The following PPRC1 variants were observed in gnomAD, a reference collection of about 807,000 sequenced individuals.
PPRC1 encodes the protein peroxisome proliferator-activated receptor gamma coactivator-related protein 1.
In PPRC1, 23 loss-of-function variants were observed where a neutral mutation model predicts 132.5. The observed-to-expected ratio is 0.17, with a 90% CI of 0.12 to 0.25. The LOEUF is 0.25. Among genes scored for constraint, PPRC1 ranks in the 10% least tolerant of loss-of-function variants. PPRC1 has a pLI of 1.00. For synonymous variants in PPRC1, 872 were observed against 833.5 expected, an observed-to-expected ratio of 1.05 and a Z score of -0.80; for missense variants, 2,006 against 2,089.1, an observed-to-expected ratio of 0.96 and a Z score of 0.78.
At chr10:102,121,503 C>T in the PPRC1 span, among the ~76,000 whole-genome samples, 1 of 152,110 alleles carries the variant, frequency 6.6e-6, no homozygotes, top group Non-Finnish European at 1.5e-5. Flanking sequence ...TTCAGTCACA[C>T]TTCAAGGACT....
At chr10:102,132,850 C>T, upstream of PPRC1, 2 of 532,472 alleles carry the variant, frequency 3.8e-6, no homozygotes, top group Non-Finnish European at 5.7e-6. Flanking sequence ...AGGATGCCTG[C>T]AGCTAGTGCC....
In PPRC1 at chr10:102,141,561, C is replaced by G. The variant is rs944596296; in HGVS notation, c.3053C>G (p.Ser1018Cys). Reference sequence around the variant, plus strand: ...GCTGTTCCCCAACCTAAAATGGAGTCTAGGGGCACTCCAGCTGGCCCTCCT... The same window carrying G: ...GCTGTTCCCCAACCTAAAATGGAGTGTAGGGGCACTCCAGCTGGCCCTCCT... ...GRAVPQPKME[S>C]RGTPAGPPEN... Residue 1018 changes from serine to cysteine, a missense_variant, in exon 5 of 14, where the codon TCT becomes TGT. This residue lies in a region of PPRC1 where 1,914 missense variants were observed against 1,917.2 expected (regional missense o/e 1.00). Transcript: ENST00000278070. The G allele has an allele frequency of 2.5e-6, 4 of 1,614,078 alleles. No homozygotes were observed. Among genetic ancestry groups the G allele is most frequent in the Non-Finnish European group, 2.5e-6 (3 of 1,179,980 alleles).
chr10:102,148,825 A>G lies in PPRC1; in HGVS notation c.4626A>G (p.Arg1542=), dbSNP rs918891861. ...VLQKERAIEE[R]RVVFIGKIPG... ...TTCATTTCCAAACATAGGAAGAAAGAAGGGTGGTCTTCATTGGAAAGATAC... is the reference window on the plus strand; with the variant it reads ...TTCATTTCCAAACATAGGAAGAAAGGAGGGTGGTCTTCATTGGAAAGATAC... The change falls in exon 12 of 14, where the codon AGA becomes AGG. Residue 1542 remains arginine, a synonymous_variant. Coordinates refer to ENST00000278070, the MANE Select transcript of PPRC1 (RefSeq NM_015062.5). The surrounding 1 kb of genome is among the most constrained non-coding windows in gnomAD (Gnocchi z 4.2). The G allele has an allele frequency of 1.2e-6, 2 of 1,613,980 alleles. No homozygotes were observed. Among genetic ancestry groups the G allele is most frequent in the African/African-American group, 1.3e-5 (1 of 74,900 alleles).
At chr10:102,127,812 A>G in the PPRC1 span, among the ~76,000 whole-genome samples, 2 of 152,110 alleles carry the variant, frequency 1.3e-5, no homozygotes, top group East Asian at 1.9e-4. Context: ...TCGGCCTCCC[A>G]AAGTGCTGGG....
At chr10:102,121,823 C>T in the PPRC1 span, among the ~76,000 whole-genome samples, 1 of 152,130 alleles carries the variant, frequency 6.6e-6, no homozygotes, top group Non-Finnish European at 1.5e-5. Context: ...GTTGAGAAGG[C>T]TGTTTGGTTC....
the PPRC1 span, among the ~76,000 whole-genome samples, chr10:102,124,588 G>A: frequency 3.4e-3 from 518 of 150,854 alleles, 8 homozygotes; most frequent in African/African-American, 0.012. Flanking sequence ...TGATTCACCC[G>A]CCTCGGCCTC....
chr10:102,126,404 G>C, the PPRC1 span, among the ~76,000 whole-genome samples: 1 of 150,954 alleles, frequency 6.6e-6, no homozygotes. Context: ...TCTTATGGAC[G>C]GCCAAACCTC....
Position 102,133,261 on chromosome 10 carries a change from G to C in PPRC1, c.153+40G>C, listed in dbSNP as rs534331919. On this transcript the variant is annotated intron_variant, in intron 1 of 13. Coordinates refer to ENST00000278070, the MANE Select transcript of PPRC1 (RefSeq NM_015062.5). ...GGCGGCCCGCGACAGGCAGCAAAGC[G>C]GTGTGTGCCGGGCGGTGACACGTGG... 47 of 1,252,402 alleles carry C rather than the reference G, an allele frequency of 3.8e-5. No homozygotes were observed. In the East Asian group the frequency reaches 6.6e-4, roughly 18 times the overall value. The allele number at this position is 1,252,402 out of a possible 1,614,324, so 77.6% of individuals were successfully genotyped here.
rs1330375981 is a variant in PPRC1 at position 102,133,126 on chromosome 10, G to A, written c.58G>A (p.Gly20Ser). ...GVAPPPSGGPGPDPGGGARGS... is the reference protein window; with the variant it reads ...GVAPPPSGGPSPDPGGGARGS... The stretch of plus-strand genomic sequence containing the variant: ...CGCGCCGCCCCCGAGTGGGGGCCCC[G>A]GTCCGGACCCTGGCGGGGGAGCCCG... The change falls in exon 1 of 14, where the codon GGT (glycine) becomes AGT (serine). Residue 20 changes from glycine (G) to serine (S), a missense_variant. Transcript: ENST00000278070. 8 of 1,248,960 alleles carry A rather than the reference G, an allele frequency of 6.4e-6. No individual in the cohort carries two copies. The highest frequency in any genetic ancestry group is 8.1e-6 in the Non-Finnish European group (8 of 990,260). The allele number at this position is 1,248,960 out of a possible 1,614,324, so 77.4% of individuals were successfully genotyped here. A position where few individuals can be genotyped will look rare whatever the true frequency, so the allele number is the denominator to read the frequency against.
chr10:102,125,523 G>C, the PPRC1 span, among the ~76,000 whole-genome samples: 1 of 152,158 alleles, frequency 6.6e-6, no homozygotes, highest in African/African-American at 2.4e-5. Context: ...CTCCCAAAGT[G>C]CTGGGATTAC....
At chr10:102,120,805 C>T in the PPRC1 span, among the ~76,000 whole-genome samples, 1 of 152,104 alleles carries the variant, frequency 6.6e-6, no homozygotes, top group Non-Finnish European at 1.5e-5. Flanking sequence ...GCGGGAGCCG[C>T]GGCTGGGGGA....
Position 102,141,234 on chromosome 10 carries a change from T to C in PPRC1, c.2726T>C (p.Val909Ala), listed in dbSNP as rs143292683. ...PPSLPLSMGPVLPDPFTHYAP... is the reference protein window; with the variant it reads ...PPSLPLSMGPALPDPFTHYAP... ...AGTCTTCCATTGTCTATGGGGCCAGTACTACCTGATCCGTTTACTCACTAT... is the reference window on the plus strand; with the variant it reads ...AGTCTTCCATTGTCTATGGGGCCAGCACTACCTGATCCGTTTACTCACTAT... Residue 909 changes from valine to alanine, a missense_variant, in exon 5 of 14, where the codon GTA becomes GCA. Coordinates refer to ENST00000278070, the MANE Select transcript of PPRC1 (RefSeq NM_015062.5). 2.0e-3 allele frequency: 3,293 copies of C among 1,613,878 alleles called. 25 individuals carry two copies. The highest frequency in any genetic ancestry group is 0.019 in the Middle Eastern group (116 of 6,062).
chr10:102,145,646 C>T (rs983206457), intron 8 of PPRC1, among the ~76,000 whole-genome samples: 2 of 150,966 alleles, frequency 1.3e-5, no homozygotes, highest in South Asian at 2.1e-4. Flanking sequence ...AGGTGGATCA[C>T]GAGGTCAGGA....
intron 6 of PPRC1, 30 bp downstream of exon 6, chr10:102,143,128 C>G (rs1354998047): frequency 7.5e-6 from 12 of 1,600,000 alleles, no homozygotes; most frequent in Non-Finnish European, 1.0e-5. Context: ...TTTGCTCCAA[C>G]TCTTTTTTTG....
chr10:102,133,177 C>G lies in PPRC1; in HGVS notation c.109C>G (p.Gln37Glu). The change falls in exon 1 of 14, where the codon CAA becomes GAA. Residue 37 changes from glutamine to glutamate, a missense_variant. This residue lies in a region of PPRC1 where 1,914 missense variants were observed against 1,917.2 expected (regional missense o/e 1.00). Transcript: ENST00000278070. The stretch of plus-strand genomic sequence containing the variant: ...CGGCAGTGGTTGGGGAAGTCGAAGC[C>G]AAGCGCCGTATGGGACTTTGGGCGC... The part of the protein sequence containing the change: ...ARGSGWGSRS[Q>E]APYGTLGAVS... The G allele has an allele frequency of 7.8e-7, 1 of 1,274,996 alleles. No homozygotes were observed. The highest frequency in any genetic ancestry group is 1.0e-6 in the Non-Finnish European group (1 of 1,003,840). The allele number at this position is 1,274,996 out of a possible 1,614,324, so 79.0% of individuals were successfully genotyped here. A position where few individuals can be genotyped will look rare whatever the true frequency, so the allele number is the denominator to read the frequency against.
At chr10:102,138,266 C>T (rs1199190510) in intron 2 of PPRC1, among the ~76,000 whole-genome samples, 1 of 152,232 alleles carries the variant, frequency 6.6e-6, no homozygotes, top group African/African-American at 2.4e-5. Flanking sequence ...AGTCCAAGGC[C>T]TTTCCCACTG....
Position 102,144,941 on chromosome 10 carries a change from C to T in PPRC1, c.3609-79C>T, listed in dbSNP as rs1162551053. 1.2e-5 allele frequency: 14 copies of T among 1,161,466 alleles called. 1 individual carries two copies. The South Asian group carries it at 1.7e-4, about 14-fold the overall frequency. The allele number at this position is 1,161,466 out of a possible 1,614,324, so 71.9% of individuals were successfully genotyped here. ...ATTCTTCTCTGCACCCACCCCCTCC[C>T]ATTGATTTCTGAGAAAGGCAAATGT... On this transcript the variant is annotated intron_variant, in intron 7 of 13. Transcript: ENST00000278070.
the PPRC1 span, among the ~76,000 whole-genome samples, chr10:102,122,219 C>T: frequency 6.6e-6 from 1 of 152,142 alleles, no homozygotes; most frequent in Non-Finnish European, 1.5e-5. Context: ...AAGGTCAGCA[C>T]TAGAGGGAGT....
Position 102,139,676 on chromosome 10 carries a change from C to T in PPRC1, c.1168C>T (p.Leu390Phe). 6.2e-7 allele frequency: 1 copy of T among 1,614,100 alleles called. No homozygotes were observed. Among genetic ancestry groups the T allele is most frequent in the East Asian group, 2.2e-5 (1 of 44,894 alleles). Residue 390 changes from leucine to phenylalanine, a missense_variant, in exon 5 of 14, where the codon CTT becomes TTT. By Grantham distance (22) the Leu-to-Phe change is conservative. Around this residue, in one of 2 missense-constraint regions of PPRC1, gnomAD observed 1,914 missense variants for 1,917.2 expected, o/e 1.00. Transcript: ENST00000278070. ...SLETSSALQL[L>F]MPTLESETEA... is the part of the protein sequence containing the mutation. ...AGAGACTAGTTCTGCCTTGCAGCTGCTTATGCCTACACTGGAGTCAGAGAC... is the reference window on the plus strand; with the variant it reads ...AGAGACTAGTTCTGCCTTGCAGCTGTTTATGCCTACACTGGAGTCAGAGAC...
Sources: gnomAD v4.1 joint callset for allele counts (sites outside exome capture counted in the v4.1 genomes callset) on GRCh38, gnomAD v4.1.1 for gene constraint, gnomAD v4.1.1 regional missense constraint, Gnocchi (gnomAD v3.1) non-coding constraint, MANE v1.5 for transcripts, NCBI Gene and HGNC (gene_info 2026-07-23, HGNC 2026-07-21) for gene names.